The following PCDH7 variants were observed in gnomAD, a reference collection of about 807,000 sequenced individuals.
The protein encoded by PCDH7 is protocadherin-7.
In PCDH7, 17 loss-of-function variants were observed where a neutral mutation model predicts 58.9. That is an observed-to-expected ratio of 0.29 (90% CI 0.20 to 0.43). The LOEUF is 0.43. Ranked by LOEUF, PCDH7 falls within the 20% of genes least tolerant of loss-of-function variation. PCDH7 has a pLI of 1.00. For synonymous variants in PCDH7, 664 were observed against 616.4 expected, an observed-to-expected ratio of 1.08 and a Z score of -1.14; for missense variants, 1,274 against 1,441.0, an observed-to-expected ratio of 0.88 and a Z score of 1.88.
At chr4:31,110,839 T>C (rs998534304) in intron 3 of PCDH7, among the ~76,000 whole-genome samples, 4 of 151,390 alleles carry the variant, frequency 2.6e-5, no homozygotes, top group Non-Finnish European at 4.4e-5. Context: ...GGTGTGAACC[T>C]GGGAGGCGGA....
intron 1 of PCDH7, among the ~76,000 whole-genome samples, chr4:30,908,331 G>T (rs1028106544): frequency 6.6e-6 from 1 of 151,652 alleles, no homozygotes; most frequent in Non-Finnish European, 1.5e-5. Flanking sequence ...ATTAAAAATT[G>T]CAATGAAGAA....
chr4:31,127,288 C>T (rs1225834524), intron 3 of PCDH7, among the ~76,000 whole-genome samples: 1 of 152,192 alleles, frequency 6.6e-6, no homozygotes, highest in Non-Finnish European at 1.5e-5. Context: ...GGAAAGATGA[C>T]ATTCTAATTA....
chr4:31,042,025 C>T (rs972212347), intron 3 of PCDH7, among the ~76,000 whole-genome samples: 4 of 152,124 alleles, frequency 2.6e-5, no homozygotes, highest in Non-Finnish European at 4.4e-5. Context: ...GCAGCATTCC[C>T]TCTGCAGCAA....
chr4:30,721,638 C>T lies in PCDH7; in HGVS notation c.216C>T (p.Ser72=). The stretch of plus-strand genomic sequence containing the variant: ...TGACTTTCAGCCTGGAGTCCGGTTC[C>T]GAGTACCTGAAGATCGACAACCTCA... Residue 72 remains serine, a synonymous_variant, in exon 1 of 2, where the codon TCC becomes TCT. Transcript: ENST00000361762. This position sits in a 1 kb window ranked among gnomAD's most constrained non-coding sequence, Gnocchi z 6.7. 6.2e-7 allele frequency: 1 copy of T among 1,613,730 alleles called. No individual in the cohort carries two copies. Among genetic ancestry groups the T allele is most frequent in the Non-Finnish European group, 8.5e-7 (1 of 1,179,938 alleles).
rs147944519 is a variant in PCDH7, at chr4:30,723,918, G to A, written c.2496G>A (p.Thr832=). The A allele has an allele frequency of 4.9e-5, 79 of 1,613,928 alleles. No individual in the cohort carries two copies. The African/African-American group carries it at 8.3e-4, about 17-fold the overall frequency. Residue 832 remains threonine (T), a synonymous_variant, in exon 1 of 2, where the codon ACG becomes ACA. Transcript: ENST00000361762. This position sits in a 1 kb window ranked among gnomAD's most constrained non-coding sequence, Gnocchi z 4.6. ...GTGGGCAGCCTTCCCAGTCCACCAC[G>A]ACTCTGGTGCACGTGTTTGTCAATG...
intron 3 of PCDH7, among the ~76,000 whole-genome samples, chr4:31,043,129 A>G (rs1247157065): frequency 6.6e-6 from 1 of 152,132 alleles, no homozygotes; most frequent in Non-Finnish European, 1.5e-5. Flanking sequence ...ATCACCTCTT[A>G]AAGACCTCAT....
chr4:31,120,441 C>CTTTTTTTTTTTT (rs138878762), intron 3 of PCDH7, among the ~76,000 whole-genome samples: 3 of 107,970 alleles, frequency 2.8e-5, no homozygotes, highest in Non-Finnish European at 3.8e-5. Flanking sequence ...CTATTTTTTT[C>CTTTTTTTTTTTT]TTTTTTTTTT....
intron 3 of PCDH7, among the ~76,000 whole-genome samples, chr4:31,062,325 A>G (rs1027007971): frequency 2.0e-5 from 3 of 151,748 alleles, no homozygotes; most frequent in Non-Finnish European, 4.4e-5. Flanking sequence ...TTGCAACTGG[A>G]TAACGCATAG....
chr4:31,103,903 T>G (rs1715221822), intron 3 of PCDH7, among the ~76,000 whole-genome samples: 1 of 152,230 alleles, frequency 6.6e-6, no homozygotes, highest in Admixed American at 6.5e-5. Flanking sequence ...TTCCCCCATT[T>G]AATCTGGTCT....
intron 3 of PCDH7, among the ~76,000 whole-genome samples, chr4:31,051,839 G>GT (rs1756763711): frequency 6.7e-6 from 1 of 149,738 alleles, no homozygotes; most frequent in African/African-American, 2.5e-5. Context: ...TGTGTGGGGG[G>GT]CGGGTAGGGG....
chr4:31,137,573 G>T (rs950632768), intron 3 of PCDH7, among the ~76,000 whole-genome samples: 1 of 152,258 alleles, frequency 6.6e-6, no homozygotes, highest in Non-Finnish European at 1.5e-5. Context: ...GACAGAGCGA[G>T]ACCCTTCTCG....
At chr4:30,742,472 A>G (rs1717210685) in intron 1 of PCDH7, among the ~76,000 whole-genome samples, 1 of 152,144 alleles carries the variant, frequency 6.6e-6, no homozygotes, top group African/African-American at 2.4e-5. Context: ...GATCCATATA[A>G]TATAGTACTT....
intron 1 of PCDH7, among the ~76,000 whole-genome samples, chr4:30,891,976 A>G (rs1040303067): frequency 6.6e-6 from 1 of 151,952 alleles, no homozygotes; most frequent in African/African-American, 2.4e-5. Context: ...AAAAAGAGAG[A>G]TACTCTGTCA....
chr4:30,889,137 C>CAAAAAAAATAAAAAA (rs1738252010), intron 1 of PCDH7, among the ~76,000 whole-genome samples: 1 of 49,986 alleles, frequency 2.0e-5, no homozygotes, highest in Non-Finnish European at 3.9e-5. Context: ...GCAGATATCT[C>CAAAAAAAATAAAAAA]AAAAAAAAAA....
chr4:30,747,669 G>A, intron 1 of PCDH7, among the ~76,000 whole-genome samples: 1 of 152,176 alleles, frequency 6.6e-6, no homozygotes, highest in Non-Finnish European at 1.5e-5. Flanking sequence ...GATAATCCAA[G>A]ACAATTTTAT....
At chr4:30,728,106 T>G (rs1013009666) in intron 1 of PCDH7, among the ~76,000 whole-genome samples, 7 of 151,804 alleles carry the variant, frequency 4.6e-5, no homozygotes, top group Non-Finnish European at 1.0e-4. Context: ...TTCTCTTTAG[T>G]GATCGAATTA....
intron 1 of PCDH7, among the ~76,000 whole-genome samples, chr4:30,727,152 A>T (rs1714725944): frequency 6.6e-6 from 1 of 151,922 alleles, no homozygotes; most frequent in Non-Finnish European, 1.5e-5. Context: ...TAATTTAAAA[A>T]TTGAGATTTC....
chr4:31,059,728 T>C (rs530419545), intron 3 of PCDH7, among the ~76,000 whole-genome samples: 3 of 151,896 alleles, frequency 2.0e-5, no homozygotes, highest in Non-Finnish European at 4.4e-5. Context: ...GTGTTTCTAA[T>C]AACCCAAATA....
chr4:30,976,701 T>C (rs1208829907), intron 3 of PCDH7, among the ~76,000 whole-genome samples: 2 of 152,076 alleles, frequency 1.3e-5, no homozygotes, highest in African/African-American at 4.8e-5. Flanking sequence ...ACCCGGCCCA[T>C]AAAATTCTTA....
Sources: allele counts gnomAD v4.1 joint callset (sites outside exome capture counted in the v4.1 genomes callset), GRCh38; gene constraint gnomAD v4.1.1; non-coding constraint Gnocchi (gnomAD v3.1); transcripts MANE v1.5; gene names NCBI Gene and HGNC (gene_info 2026-07-23, HGNC 2026-07-21).